ST8SIA2: variants seen among roughly 807,000 people sequenced by gnomAD.
ST8SIA2 encodes the protein alpha-2,8-sialyltransferase 8B.
A neutral mutation model predicts 37.6 loss-of-function variants in ST8SIA2; 22 were observed. The ratio of observed to expected loss-of-function variants is 0.58; its 90% confidence interval spans 0.42 to 0.83. The LOEUF is 0.83. Among genes scored for constraint, ST8SIA2 ranks in the 40% least tolerant of loss-of-function variants. ST8SIA2 has a pLI of 0.00. For synonymous variants in ST8SIA2, 205 were observed against 201.2 expected, an observed-to-expected ratio of 1.02 and a Z score of -0.16; for missense variants, 382 against 484.7, an observed-to-expected ratio of 0.79 and a Z score of 1.99.
intron 1 of ST8SIA2, among the ~76,000 whole-genome samples, chr15:92,408,368 C>T (rs1350463867): frequency 2.6e-5 from 4 of 152,186 alleles, no homozygotes; most frequent in Non-Finnish European, 5.9e-5. Context: ...TGGTTTCTTG[C>T]CTGCTTGTTA....
chr15:92,435,051 G>A (rs2049746711), intron 3 of ST8SIA2, among the ~76,000 whole-genome samples: 1 of 152,244 alleles, frequency 6.6e-6, no homozygotes, highest in African/African-American at 2.4e-5. Flanking sequence ...ACTTAGCTTA[G>A]ATATAGCCAT....
chr15:92,399,520 G>A (rs1428861554), intron 1 of ST8SIA2, among the ~76,000 whole-genome samples: 1 of 152,208 alleles, frequency 6.6e-6, no homozygotes, highest in Non-Finnish European at 1.5e-5. Flanking sequence ...GAGTGCACGT[G>A]GATGGGAAAG....
Position 92,433,978 on chromosome 15 carries a change from GA to G in ST8SIA2, c.162-259del, listed in dbSNP as rs376888029. On this transcript the variant is annotated intron_variant, in intron 2 of 5. Coordinates refer to ENST00000268164, the MANE Select transcript of ST8SIA2 (RefSeq NM_006011.4). Reference sequence around the variant, plus strand: ...GACAGTGACTGCCAGGTTTTACCAGGAAAAAAAAAATCACTAGGGGCAGGGG... The same window carrying G: ...GACAGTGACTGCCAGGTTTTACCAGGAAAAAAAAATCACTAGGGGCAGGGG... Among the ~76,000 whole-genome samples, 841 of 149,654 alleles carry G rather than the reference GA, an allele frequency of 5.6e-3. 12 individuals are homozygous for G. The highest frequency in any genetic ancestry group is 0.019 in the African/African-American group (787 of 40,758).
rs1262322280 is a variant in ST8SIA2, at chr15:92,397,421, A to G, written c.98+3259A>G. Among the ~76,000 whole-genome samples, 6 of 152,260 alleles carry G rather than the reference A, an allele frequency of 3.9e-5. No individual in the cohort carries two copies. The South Asian group carries it at 1.0e-3, about 26-fold the overall frequency. Reference sequence around the variant, plus strand: ...TCTTTTCCTTAGTGATTATTTTCCAAAGTTCCATTTCTGACTCTCTTGCTC... The same window carrying G: ...TCTTTTCCTTAGTGATTATTTTCCAGAGTTCCATTTCTGACTCTCTTGCTC... On this transcript the variant is annotated intron_variant, in intron 1 of 5. Transcript: ENST00000268164.
intron 1 of ST8SIA2, among the ~76,000 whole-genome samples, chr15:92,412,171 G>T (rs1279523005): frequency 6.6e-6 from 1 of 152,130 alleles, no homozygotes; most frequent in Non-Finnish European, 1.5e-5. Context: ...TGCCGGAGGT[G>T]TGAAAAGGAA....
At chr15:92,460,678 C>T (rs2049951079) in intron 5 of ST8SIA2, among the ~76,000 whole-genome samples, 1 of 152,176 alleles carries the variant, frequency 6.6e-6, no homozygotes, top group Non-Finnish European at 1.5e-5. Context: ...CTCCTGCCTC[C>T]TACATATTAG....
rs1233002830 is a variant in ST8SIA2 at position 92,408,719 on chromosome 15, T to TTATA, written c.98+14560_98+14561insATAT. 3.2e-3 allele frequency among the ~76,000 whole-genome samples: 482 copies of TTATA among 148,606 alleles called. 5 individuals carry two copies. Among genetic ancestry groups the TTATA allele is most frequent in the African/African-American group, 0.011 (448 of 40,662 alleles). ...TTTATTTATTTATTTATTTATTTAT[T>TTATA]TATTGAGATGGAGTCTCACTCTGTC... On this transcript the variant is annotated intron_variant, in intron 1 of 5. Transcript: ENST00000268164.
At chr15:92,437,482 A>G (rs2049766933) in intron 3 of ST8SIA2, among the ~76,000 whole-genome samples, 1 of 152,178 alleles carries the variant, frequency 6.6e-6, no homozygotes, top group South Asian at 2.1e-4. Flanking sequence ...AAGCTACCCC[A>G]GAGCCTAGAG....
intron 1 of ST8SIA2, among the ~76,000 whole-genome samples, chr15:92,405,066 C>T (rs1008587970): frequency 2.0e-5 from 3 of 151,590 alleles, no homozygotes; most frequent in Middle Eastern, 3.2e-3. Flanking sequence ...TTTGGACATG[C>T]CTGGGCAATA....
At chr15:92,401,210 G>T (rs1013621790) in intron 1 of ST8SIA2, among the ~76,000 whole-genome samples, 4 of 152,192 alleles carry the variant, frequency 2.6e-5, no homozygotes, top group African/African-American at 9.6e-5. Context: ...CTGCCAGGGC[G>T]TGGGGACAAG....
intron 1 of ST8SIA2, among the ~76,000 whole-genome samples, chr15:92,404,146 G>T (rs954861751): frequency 6.6e-6 from 1 of 152,182 alleles, no homozygotes; most frequent in Non-Finnish European, 1.5e-5. Flanking sequence ...CTGCCAACCT[G>T]GGGCCTTACG....
At chr15:92,405,269 G>T (rs1331783740) in intron 1 of ST8SIA2, among the ~76,000 whole-genome samples, 1 of 152,218 alleles carries the variant, frequency 6.6e-6, no homozygotes, top group Non-Finnish European at 1.5e-5. Context: ...TGAGGCATCT[G>T]GAATGGTCAA....
intron 1 of ST8SIA2, among the ~76,000 whole-genome samples, chr15:92,396,780 C>T (rs2049435334): frequency 2.6e-5 from 4 of 152,272 alleles, no homozygotes; most frequent in South Asian, 2.1e-4. Flanking sequence ...TGAGCCACCC[C>T]TCCCGGCACA....
At chr15:92,457,933 G>A (rs933477363) in intron 5 of ST8SIA2, among the ~76,000 whole-genome samples, 4 of 152,188 alleles carry the variant, frequency 2.6e-5, no homozygotes, top group Admixed American at 1.3e-4. Context: ...CCCCAGATCT[G>A]AGAGGTTGGG....
At chr15:92,404,171 C>T (rs72766144) in intron 1 of ST8SIA2, among the ~76,000 whole-genome samples, 6,508 of 152,304 alleles carry the variant, frequency 0.043, 189 homozygotes, top group Non-Finnish European at 0.068. Context: ...TCTGTAAGGA[C>T]TGACAAGTTC....
chr15:92,429,386 T>C (rs1188367075), intron 1 of ST8SIA2, among the ~76,000 whole-genome samples: 1 of 152,138 alleles, frequency 6.6e-6, no homozygotes, highest in Non-Finnish European at 1.5e-5. Flanking sequence ...GAATAGAGTG[T>C]AGGGCTGGAA....
chr15:92,426,881 G>A (rs1362687776), intron 1 of ST8SIA2, among the ~76,000 whole-genome samples: 3 of 152,164 alleles, frequency 2.0e-5, no homozygotes, highest in Admixed American at 2.0e-4. Flanking sequence ...CTGAGGTCAG[G>A]GGGTCAGGAG....
At chr15:92,408,929 T>C (rs373516928) in intron 1 of ST8SIA2, among the ~76,000 whole-genome samples, 2 of 151,924 alleles carry the variant, frequency 1.3e-5, no homozygotes, top group South Asian at 2.1e-4. Flanking sequence ...TGGTCTTGAG[T>C]TCCTGACCTC....
chr15:92,397,700 A>G (rs2049441546), intron 1 of ST8SIA2, among the ~76,000 whole-genome samples: 1 of 152,072 alleles, frequency 6.6e-6, no homozygotes, highest in African/African-American at 2.4e-5. Flanking sequence ...CCACTAGGGG[A>G]TTGTGAGGCG....
Sources: gnomAD v4.1 joint callset for allele counts (sites outside exome capture counted in the v4.1 genomes callset) on GRCh38, gnomAD v4.1.1 for gene constraint, MANE v1.5 for transcripts, NCBI Gene and HGNC (gene_info 2026-07-23, HGNC 2026-07-21) for gene names.